Variants in TRIM34 observed in about 807,000 individuals in gnomAD.
The protein encoded by TRIM34 is tripartite motif containing 34, also known as E3 ubiquitin-protein ligase TRIM34.
A neutral mutation model predicts 38.1 loss-of-function variants in TRIM34; 41 were observed. That is an observed-to-expected ratio of 1.08 (90% CI 0.84 to 1.40). TRIM34 has a LOEUF of 1.40. TRIM34 is among the 40% of genes most tolerant of loss of function. The probability of loss-of-function intolerance (pLI) is 0.00; values close to 1 mark genes in which losing one functional copy is unlikely to be tolerated. For synonymous variants in TRIM34, 200 were observed against 202.5 expected, an observed-to-expected ratio of 0.99 and a Z score of 0.10; for missense variants, 556 against 571.4, an observed-to-expected ratio of 0.97 and a Z score of 0.27.
chr11:5,624,306 T>C (rs1384011963), upstream of TRIM34, among the ~76,000 whole-genome samples: 3 of 152,216 alleles, frequency 2.0e-5, no homozygotes, highest in Non-Finnish European at 2.9e-5. Flanking sequence ...TTGATGAGTT[T>C]TGAAAAAGTT....
At chr11:5,636,382 T>G (rs1849735024) in intron 4 of TRIM34, among the ~76,000 whole-genome samples, 1 of 152,194 alleles carries the variant, frequency 6.6e-6, no homozygotes. Flanking sequence ...AGGAAGTAAT[T>G]GCTAATTAGT....
At chr11:5,637,627 C>G (rs1416462417) in intron 4 of TRIM34, among the ~76,000 whole-genome samples, 3 of 152,118 alleles carry the variant, frequency 2.0e-5, no homozygotes, top group African/African-American at 7.2e-5. Context: ...GGGGCACATT[C>G]AATTCCATGG....
chr11:5,626,286 C>T (rs910486411), intron 1 of TRIM34, among the ~76,000 whole-genome samples: 57 of 152,236 alleles, frequency 3.7e-4, no homozygotes, highest in African/African-American at 1.3e-3. Flanking sequence ...AGCCTACATC[C>T]AAATAGAAAG....
intron 1 of TRIM34, chr11:5,626,544 A>C (rs925769281): frequency 6.6e-6 from 1 of 152,224 alleles, no homozygotes; most frequent in African/African-American, 2.4e-5. Flanking sequence ...AAAGGAGAAC[A>C]GTGTGGAAGA....
chr11:5,629,994 C>G (rs1332855217), intron 1 of TRIM34, among the ~76,000 whole-genome samples: 1 of 152,188 alleles, frequency 6.6e-6, no homozygotes, highest in Non-Finnish European at 1.5e-5. Context: ...GGGTGAGCCA[C>G]CGCGCCCGGC....
At chr11:5,623,257 A>T (rs994982021), upstream of TRIM34, among the ~76,000 whole-genome samples, 1 of 152,022 alleles carries the variant, frequency 6.6e-6, no homozygotes, top group Non-Finnish European at 1.5e-5. Flanking sequence ...CACTATCTAA[A>T]TGTATTAGTT....
At chr11:5,621,447 A>G (rs144152479), upstream of TRIM34, among the ~76,000 whole-genome samples, 13 of 152,334 alleles carry the variant, frequency 8.5e-5, no homozygotes, top group African/African-American at 2.6e-4. Context: ...GTACATGCCC[A>G]TGGAAATAGC....
At chr11:5,624,333 T>C (rs895329757), upstream of TRIM34, among the ~76,000 whole-genome samples, 2 of 152,150 alleles carry the variant, frequency 1.3e-5, no homozygotes, top group Non-Finnish European at 2.9e-5. Flanking sequence ...CTTTTAAAGA[T>C]TTAGAGCATT....
At chr11:5,634,530 C>CACATATATATATATATAT (rs1491498839) in intron 3 of TRIM34, 101 bp from the exon 4 acceptor site, 9 of 203,882 alleles carry the variant, frequency 4.4e-5, no homozygotes, top group African/African-American at 3.1e-4. Context: ...CACACACACA[C>CACATATATATATATATAT]ATATATATAT....
intron 4 of TRIM34, among the ~76,000 whole-genome samples, chr11:5,635,292 G>C (rs1458097982): frequency 7.3e-6 from 1 of 137,128 alleles, no homozygotes. Flanking sequence ...GTCTCGCTCT[G>C]TCTCCCAGGC....
chr11:5,643,505 T>G lies in TRIM34; in HGVS notation c.1263T>G (p.Val421=), dbSNP rs763578937. Residue 421 remains valine, a synonymous_variant, in exon 8 of 8, where the codon GTT becomes GTG. Coordinates refer to ENST00000429814, the MANE Select transcript of TRIM34 (RefSeq NM_021616.6). ...AGTCTTTGTCCTCTGATCCCGAGGT[T>G]TTGACTCTCTCCATGGCTGTGCCTC... ...FEESLSSDPE[V]LTLSMAVPPC... The G allele has an allele frequency of 3.1e-6, 5 of 1,614,098 alleles. No individual in the cohort carries two copies. The African/African-American group carries it at 6.7e-5, about 22-fold the overall frequency.
At chr11:5,631,116 T>C (rs1849464847) in intron 1 of TRIM34, among the ~76,000 whole-genome samples, 1 of 152,216 alleles carries the variant, frequency 6.6e-6, no homozygotes, top group South Asian at 2.1e-4. Context: ...GATCTATGTG[T>C]AATTCAGCTG....
upstream of TRIM34, among the ~76,000 whole-genome samples, chr11:5,623,608 C>T (rs1255680254): frequency 6.6e-6 from 1 of 150,444 alleles, no homozygotes; most frequent in African/African-American, 2.5e-5. Flanking sequence ...TCTCGAACTC[C>T]TGACCTTGTG....
Position 5,632,360 on chromosome 11 carries a change from A to T in TRIM34, c.29A>T (p.Gln10Leu), listed in dbSNP as rs1356002936. MASKILLNV[Q>L]EEVTCPICLE... ...GCTTCAAAAATCTTGCTTAACGTAC[A>T]AGAGGAGGTGACCTGTCCCATCTGC... The change falls in exon 2 of 8, where the codon CAA becomes CTA. Residue 10 changes from glutamine (Q) to leucine (L), a missense_variant. Coordinates refer to ENST00000429814, the MANE Select transcript of TRIM34 (RefSeq NM_021616.6). 1 of 1,613,986 alleles carries T rather than the reference A, an allele frequency of 6.2e-7. No individual in the cohort carries two copies. Among genetic ancestry groups the T allele is most frequent in the Non-Finnish European group, 8.5e-7 (1 of 1,180,024 alleles).
intron 4 of TRIM34, among the ~76,000 whole-genome samples, chr11:5,635,423 T>G (rs2097518612): frequency 6.6e-6 from 1 of 151,792 alleles, no homozygotes; most frequent in African/African-American, 2.4e-5. Flanking sequence ...TCTGGCTAAT[T>G]TTTTTTGTAT....
At chr11:5,626,489 A>G (rs12787013) in intron 1 of TRIM34, 14,084 of 152,264 alleles carry the variant, frequency 0.092, 891 homozygotes, top group Non-Finnish European at 0.14. Context: ...GAATCTTAAG[A>G]ATGCGAGGAA....
upstream of TRIM34, among the ~76,000 whole-genome samples, chr11:5,622,203 C>T (rs530832422): frequency 4.8e-4 from 73 of 152,188 alleles, 1 homozygote; most frequent in East Asian, 2.1e-3. Context: ...CCCAGGACTT[C>T]GGGAGGCCGA....
Position 5,641,333 on chromosome 11 carries a change from C to T in TRIM34, c.773+144C>T, listed in dbSNP as rs778018670. On this transcript the variant is annotated intron_variant, in intron 5 of 7. Transcript: ENST00000429814. Reference sequence around the variant, plus strand: ...ATCGTTATCTTAAATTGCTGGTCCCCGATGAGTATTTGAGTGTTCCGTAAC... The same window carrying T: ...ATCGTTATCTTAAATTGCTGGTCCCTGATGAGTATTTGAGTGTTCCGTAAC... The T allele has an allele frequency of 9.8e-6, 15 of 1,529,780 alleles. No homozygotes were observed. The Admixed American group carries it at 1.8e-4, about 19-fold the overall frequency. The allele number at this position is 1,529,780 out of a possible 1,614,324, so 94.8% of individuals were successfully genotyped here.
rs147938338 is a variant in TRIM34, at chr11:5,640,520, T to C, written c.751-647T>C. ...CATCAGGTATAATCTTTTTGCTGGATTGCCAGATTTGATTTTCTTGTATTT... is the reference window on the plus strand; with the variant it reads ...CATCAGGTATAATCTTTTTGCTGGACTGCCAGATTTGATTTTCTTGTATTT... On this transcript the variant is annotated intron_variant, in intron 4 of 7. Transcript: ENST00000429814. Among the ~76,000 whole-genome samples, 311 of 152,266 alleles carry C rather than the reference T, an allele frequency of 2.0e-3. 3 individuals are homozygous for C. Among genetic ancestry groups the C allele is most frequent in the Non-Finnish European group, 2.2e-3 (150 of 68,006 alleles).
Sources: allele counts gnomAD v4.1 joint callset (sites outside exome capture counted in the v4.1 genomes callset), GRCh38; gene constraint gnomAD v4.1.1; transcripts MANE v1.5; gene names NCBI Gene and HGNC (gene_info 2026-07-23, HGNC 2026-07-21).